Variants in NCALD observed in about 807,000 individuals in gnomAD.
NCALD encodes the protein neurocalcin delta.
In NCALD, 10 loss-of-function variants were observed where a neutral mutation model predicts 18.6. The observed-to-expected ratio is 0.54, with a 90% confidence interval of 0.33 to 0.91. The LOEUF (loss-of-function observed/expected upper bound fraction) is 0.91, where lower values mean the gene tolerates loss of function less well. NCALD is among the 40% of genes least tolerant of loss of function. The pLI is 0.03. For missense variants in NCALD, 184 were observed against 247.6 expected, an observed-to-expected ratio of 0.74 and a Z score of 1.72; for synonymous variants, 88 against 87.4, an observed-to-expected ratio of 1.01 and a Z score of -0.04.
chr8:101,861,140 T>C (rs1286969500), intron 4 of NCALD, among the ~76,000 whole-genome samples: 1 of 152,170 alleles, frequency 6.6e-6, no homozygotes, highest in Non-Finnish European at 1.5e-5. Flanking sequence ...TTTAGACTTC[T>C]GACGCCCAGA....
chr8:101,772,334 A>G (rs1201711197), intron 1 of NCALD, among the ~76,000 whole-genome samples: 1 of 152,192 alleles, frequency 6.6e-6, no homozygotes, highest in African/African-American at 2.4e-5. Flanking sequence ...TGTAGGATCC[A>G]CTGTGGGAAA....
At chr8:102,022,281 C>A (rs1822302969) in intron 1 of NCALD, among the ~76,000 whole-genome samples, 1 of 152,022 alleles carries the variant, frequency 6.6e-6, no homozygotes, top group South Asian at 2.1e-4. Context: ...TCTGAGTCCC[C>A]ACAGAACTGA....
chr8:101,719,405 A>T lies in NCALD; in HGVS notation c.225T>A (p.Asn75Lys), dbSNP rs1563692155. The T allele has an allele frequency of 6.2e-7, 1 of 1,614,178 alleles. No homozygotes were observed. Among genetic ancestry groups the T allele is most frequent in the Non-Finnish European group, 8.5e-7 (1 of 1,180,028 alleles). ...AEHVFRTFDA[N>K]GDGTIDFREF... ...CTCTAAAGTCTATTGTCCCATCTCC[A>T]TTTGCATCGAAGGTGCGGAAGACAT... Residue 75 changes from asparagine to lysine, a missense_variant, in exon 2 of 4, where the codon AAT becomes AAA. Coordinates refer to ENST00000220931, the MANE Select transcript of NCALD (RefSeq NM_032041.3).
chr8:101,832,488 T>C (rs1191780554), intron 4 of NCALD, among the ~76,000 whole-genome samples: 1 of 152,192 alleles, frequency 6.6e-6, no homozygotes, highest in Non-Finnish European at 1.5e-5. Context: ...TCAAAAATGA[T>C]TTCTTCTTTA....
intron 3 of NCALD, among the ~76,000 whole-genome samples, chr8:101,889,654 C>T (rs1282077380): frequency 6.6e-6 from 1 of 152,108 alleles, no homozygotes; most frequent in Non-Finnish European, 1.5e-5. Flanking sequence ...TCTAAATATC[C>T]TTGGCTACAG....
intron 2 of NCALD, among the ~76,000 whole-genome samples, chr8:101,991,143 G>A (rs538590348): frequency 6.6e-6 from 1 of 152,042 alleles, no homozygotes; most frequent in African/African-American, 2.4e-5. Context: ...CTCATTTTTT[G>A]ACTGCATTGT....
At chr8:102,032,347 G>GA (rs1222594096) in intron 1 of NCALD, among the ~76,000 whole-genome samples, 16 of 151,246 alleles carry the variant, frequency 1.1e-4, no homozygotes, top group African/African-American at 2.9e-4. Context: ...TGATGATAGC[G>GA]AAAAAAAAGA....
chr8:101,957,881 T>A (rs1356896617), intron 2 of NCALD, among the ~76,000 whole-genome samples: 1 of 152,192 alleles, frequency 6.6e-6, no homozygotes, highest in Non-Finnish European at 1.5e-5. Flanking sequence ...GTGTCATAGA[T>A]CGAGGTACCC....
chr8:101,948,590 C>T (rs555092371), intron 2 of NCALD, among the ~76,000 whole-genome samples: 1 of 152,264 alleles, frequency 6.6e-6, no homozygotes, highest in African/African-American at 2.4e-5. Context: ...GGATAAGTAG[C>T]AACTGCTCAG....
At chr8:101,894,622 T>G (rs941913484) in intron 3 of NCALD, among the ~76,000 whole-genome samples, 2 of 144,748 alleles carry the variant, frequency 1.4e-5, no homozygotes, top group African/African-American at 5.6e-5. Flanking sequence ...CTAGCAAAAC[T>G]AATAAAGAAA....
At chr8:102,099,808 T>C (rs774246594) in intron 1 of NCALD, among the ~76,000 whole-genome samples, 18 of 151,614 alleles carry the variant, frequency 1.2e-4, no homozygotes, top group Non-Finnish European at 4.4e-5. Flanking sequence ...ACCCTATCTC[T>C]ACTAAAATTA....
chr8:101,700,862 G>A (rs890875082), intron 2 of NCALD, among the ~76,000 whole-genome samples: 1 of 152,172 alleles, frequency 6.6e-6, no homozygotes, highest in African/African-American at 2.4e-5. Flanking sequence ...CGAAGTCCCC[G>A]ATGTGAACAT....
At chr8:101,778,285 A>G (rs1330239666) in intron 1 of NCALD, among the ~76,000 whole-genome samples, 1 of 152,182 alleles carries the variant, frequency 6.6e-6, no homozygotes, top group Non-Finnish European at 1.5e-5. Flanking sequence ...CACCTCTACT[A>G]GTCAGCACAG....
chr8:101,985,182 G>T (rs536946114), intron 2 of NCALD, among the ~76,000 whole-genome samples: 3 of 152,184 alleles, frequency 2.0e-5, no homozygotes, highest in Non-Finnish European at 2.9e-5. Flanking sequence ...GGTGCACGTG[G>T]ACAGAAGACA....
intron 2 of NCALD, among the ~76,000 whole-genome samples, chr8:102,014,070 T>A (rs1316604952): frequency 6.6e-6 from 1 of 152,226 alleles, no homozygotes; most frequent in Non-Finnish European, 1.5e-5. Context: ...TGTTTCTTAA[T>A]CTGAGACCAA....
chr8:101,904,591 G>A (rs941858847), intron 3 of NCALD, among the ~76,000 whole-genome samples: 14 of 152,078 alleles, frequency 9.2e-5, no homozygotes, highest in African/African-American at 2.9e-4. Context: ...CCCAAGGCTG[G>A]AAAACAGCCT....
At chr8:101,981,533 AT>A (rs1820618507) in intron 2 of NCALD, among the ~76,000 whole-genome samples, 1 of 152,202 alleles carries the variant, frequency 6.6e-6, no homozygotes, top group African/African-American at 2.4e-5. Context: ...GAAAGGATTA[AT>A]TTTTCTCATG....
At chr8:101,961,815 C>A (rs1368915577) in intron 2 of NCALD, among the ~76,000 whole-genome samples, 1 of 152,128 alleles carries the variant, frequency 6.6e-6, no homozygotes. Flanking sequence ...TACCTCAACT[C>A]TCTCCCCTAC....
At chr8:101,856,732 C>T (rs184998105) in intron 4 of NCALD, among the ~76,000 whole-genome samples, 38 of 152,260 alleles carry the variant, frequency 2.5e-4, no homozygotes, top group Non-Finnish European at 4.6e-4. Context: ...CCTACTTACC[C>T]AGCCCCATAG....
Sources: gnomAD v4.1 joint callset for allele counts (sites outside exome capture counted in the v4.1 genomes callset) on GRCh38, gnomAD v4.1.1 for gene constraint, MANE v1.5 for transcripts, NCBI Gene and HGNC (gene_info 2026-07-23, HGNC 2026-07-21) for gene names.